Variants in NTN1 observed in about 807,000 individuals in gnomAD.
NTN1 encodes netrin-1.
NTN1 carries 11 observed loss-of-function variants against 54.2 expected under a neutral mutation model. That is an observed-to-expected ratio of 0.20 (90% CI 0.13 to 0.34). The LOEUF (loss-of-function observed/expected upper bound fraction) is 0.34. Among genes scored for constraint, NTN1 ranks in the 10% least tolerant of loss-of-function variants. NTN1 has a pLI of 1.00. For synonymous variants in NTN1, 371 were observed against 382.0 expected, an observed-to-expected ratio of 0.97 and a Z score of 0.33; for missense variants, 740 against 893.1, an observed-to-expected ratio of 0.83 and a Z score of 2.18.
intron 2 of NTN1, among the ~76,000 whole-genome samples, chr17:9,107,159 C>G (rs1157332769): frequency 1.3e-5 from 2 of 152,206 alleles, no homozygotes; most frequent in Non-Finnish European, 2.9e-5. Context: ...CTCTATGATT[C>G]TGAGGCAGAA....
At chr17:9,202,780 G>A (rs779871051) in intron 5 of NTN1, among the ~76,000 whole-genome samples, 6 of 152,172 alleles carry the variant, frequency 3.9e-5, no homozygotes, top group East Asian at 1.9e-4. Context: ...ATTCAGCCAC[G>A]GCACAAGGAA....
intron 5 of NTN1, among the ~76,000 whole-genome samples, chr17:9,210,099 G>C (rs537614259): frequency 1.3e-5 from 2 of 151,962 alleles, no homozygotes; most frequent in Non-Finnish European, 2.9e-5. Context: ...TCAAGCTCTG[G>C]GACTCATCTC....
chr17:9,221,147 T>TGCC lies in NTN1; in HGVS notation c.1412-21_1412-20insGCC. 1.0e-4 allele frequency: 130 copies of TGCC among 1,303,530 alleles called. No individual in the cohort carries two copies. Among genetic ancestry groups the TGCC allele is most frequent in the Middle Eastern group, 2.1e-4 (1 of 4,686 alleles). 80.7% of individuals were successfully genotyped at this position (1,303,530 alleles called of 1,614,324 possible). The stretch of plus-strand genomic sequence containing the variant: ...CAGCCTAATTAGTTTTTGTCTGTGC[T>TGCC]CCCCCCCCACCCCCCTGCAGACTGC... On this transcript the variant is annotated intron_variant, in intron 5 of 6. Transcript: ENST00000173229. This position sits in a 1 kb window ranked among gnomAD's most constrained non-coding sequence, Gnocchi z 4.5.
intron 3 of NTN1, among the ~76,000 whole-genome samples, chr17:9,167,116 A>C (rs1268812762): frequency 6.6e-6 from 1 of 152,216 alleles, no homozygotes; most frequent in African/African-American, 2.4e-5. Flanking sequence ...CTCTCCAGCT[A>C]TTCAGTGCGA....
At chr17:9,160,727 C>G (rs2142296975) in intron 2 of NTN1, among the ~76,000 whole-genome samples, 1 of 152,168 alleles carries the variant, frequency 6.6e-6, no homozygotes, top group Admixed American at 6.5e-5. Flanking sequence ...CCAAAACAGG[C>G]AGATATCTTG....
chr17:9,183,819 A>G (rs1017269511), intron 5 of NTN1: 1 of 163,610 alleles, frequency 6.1e-6, no homozygotes, highest in African/African-American at 2.4e-5. Context: ...CCTTGGCACA[A>G]GAAATGTTGC....
intron 5 of NTN1, among the ~76,000 whole-genome samples, chr17:9,200,791 A>G (rs1283245688): frequency 6.6e-6 from 1 of 152,220 alleles, no homozygotes; most frequent in African/African-American, 2.4e-5. Context: ...TTTATCCTCA[A>G]GGGACTGGTG....
intron 2 of NTN1, among the ~76,000 whole-genome samples, chr17:9,127,164 C>T (rs1173636589): frequency 6.7e-6 from 1 of 150,106 alleles, no homozygotes; most frequent in East Asian, 2.0e-4. Context: ...CATGAACCTG[C>T]TATGTTTTAA....
intron 2 of NTN1, among the ~76,000 whole-genome samples, chr17:9,075,795 A>G (rs2092047395): frequency 6.7e-6 from 1 of 149,306 alleles, no homozygotes. Context: ...AAGAGGCAGG[A>G]CAGAAGTGAG....
At chr17:9,099,027 A>C (rs1454183343) in intron 2 of NTN1, among the ~76,000 whole-genome samples, 1 of 152,066 alleles carries the variant, frequency 6.6e-6, no homozygotes, top group Non-Finnish European at 1.5e-5. Context: ...TATGCTTTGC[A>C]TATTGTTTTG....
intron 2 of NTN1, among the ~76,000 whole-genome samples, chr17:9,043,019 T>C (rs756939011): frequency 6.6e-6 from 1 of 152,212 alleles, no homozygotes; most frequent in Non-Finnish European, 1.5e-5. Context: ...TTCAATTTCT[T>C]CCATACTTAT....
intron 5 of NTN1, among the ~76,000 whole-genome samples, chr17:9,184,941 T>C (rs2092428976): frequency 6.6e-6 from 1 of 152,272 alleles, no homozygotes; most frequent in Non-Finnish European, 1.5e-5. Flanking sequence ...TTGAGTTGTT[T>C]AACTTTTCGG....
intron 2 of NTN1, among the ~76,000 whole-genome samples, chr17:9,125,470 C>T (rs976015130): frequency 2.6e-5 from 4 of 152,082 alleles, no homozygotes; most frequent in Admixed American, 1.3e-4. Context: ...TCAGATGATC[C>T]GTCTTCCTAG....
chr17:9,038,485 G>A (rs1845688987), intron 2 of NTN1, among the ~76,000 whole-genome samples: 1 of 152,118 alleles, frequency 6.6e-6, no homozygotes, highest in Non-Finnish European at 1.5e-5. Context: ...ATAAGTAGGT[G>A]CTTATTAAAT....
At chr17:9,149,427 A>T (rs1406214799) in intron 2 of NTN1, among the ~76,000 whole-genome samples, 2 of 152,270 alleles carry the variant, frequency 1.3e-5, no homozygotes, top group East Asian at 3.9e-4. Context: ...TCAGGAATGA[A>T]TTCCAGCAGC....
At chr17:9,023,587 G>T (rs1049807392) in intron 2 of NTN1, among the ~76,000 whole-genome samples, 196 bp downstream of exon 2, 2 of 152,276 alleles carry the variant, frequency 1.3e-5, no homozygotes, top group African/African-American at 4.8e-5. Flanking sequence ...CCGAATTTGC[G>T]CCCAGTGCTC....
intron 2 of NTN1, among the ~76,000 whole-genome samples, chr17:9,122,615 C>G (rs1311633199): frequency 6.6e-6 from 1 of 152,090 alleles, no homozygotes; most frequent in East Asian, 1.9e-4. Flanking sequence ...AAACTATGTT[C>G]TTATTGTATT....
Position 9,162,927 on chromosome 17 carries a change from G to A in NTN1, c.1133G>A (p.Arg378His). The part of the protein sequence containing the change: ...CLNCRHNTAG[R>H]HCHYCKEGYY... ...AACTGTCGCCACAACACCGCCGGCC[G>A]CCACTGCCATTACTGCAAGGAGGGC... The change falls in exon 3 of 7, where the codon CGC (arginine) becomes CAC (histidine). Residue 378 changes from arginine (R) to histidine (H), a missense_variant. Arg to His is a conservative substitution (Grantham distance 29). Transcript: ENST00000173229. 6.2e-7 allele frequency: 1 copy of A among 1,613,556 alleles called. No homozygotes were observed. The highest frequency in any genetic ancestry group is 8.5e-7 in the Non-Finnish European group (1 of 1,179,866).
intron 3 of NTN1, 45 bp from the exon 4 acceptor site, chr17:9,179,762 G>A: frequency 1.9e-6 from 3 of 1,590,162 alleles, no homozygotes; most frequent in Non-Finnish European, 1.7e-6. Flanking sequence ...GGATGCACTG[G>A]CCGCTTCCCC....
Sources: allele counts gnomAD v4.1 joint callset (sites outside exome capture counted in the v4.1 genomes callset), GRCh38; gene constraint gnomAD v4.1.1; non-coding constraint Gnocchi (gnomAD v3.1); transcripts MANE v1.5; gene names NCBI Gene and HGNC (gene_info 2026-07-23, HGNC 2026-07-21).